Variants in CTNND2 observed in about 807,000 individuals in gnomAD.
CTNND2 encodes catenin delta 2.
A neutral mutation model predicts 144.4 loss-of-function variants in CTNND2; 22 were observed. The ratio of observed to expected loss-of-function variants is 0.15; its 90% CI spans 0.11 to 0.22. CTNND2 has a LOEUF of 0.22. CTNND2 is among the 10% of genes least tolerant of loss of function. CTNND2 has a pLI of 1.00. For missense variants in CTNND2, 1,353 were observed against 1,618.8 expected (o/e 0.84, Z 2.82); for synonymous variants, 751 against 695.6 (o/e 1.08, Z -1.25).
intron 3 of CTNND2, among the ~76,000 whole-genome samples, chr5:11,448,504 CTG>C (rs572197021): frequency 6.6e-6 from 1 of 151,438 alleles, no homozygotes; most frequent in African/African-American, 2.4e-5. Context: ...TATTGTCTGT[CTG>C]TGTGTGTGTG....
At chr5:11,382,559 C>T (rs1315887788) in intron 7 of CTNND2, among the ~76,000 whole-genome samples, 2 of 151,514 alleles carry the variant, frequency 1.3e-5, no homozygotes, top group East Asian at 3.9e-4. Flanking sequence ...GATCGCACCA[C>T]TGCACTCCAG....
intron 8 of CTNND2, among the ~76,000 whole-genome samples, chr5:11,353,275 T>C (rs943927723): frequency 6.6e-6 from 1 of 152,134 alleles, no homozygotes; most frequent in African/African-American, 2.4e-5. Flanking sequence ...AGAAGAGCAG[T>C]GACAGGACGG....
At chr5:11,104,820 G>C (rs978829356) in intron 14 of CTNND2, among the ~76,000 whole-genome samples, 2 of 152,164 alleles carry the variant, frequency 1.3e-5, no homozygotes, top group African/African-American at 4.8e-5. Flanking sequence ...CAAAAGACAG[G>C]AGGGACTTTG....
rs538677815 is a variant in CTNND2, at chr5:11,390,707, C to A, written c.613-5478G>T. Among the ~76,000 whole-genome samples, 17 of 152,322 alleles carry A rather than the reference C, an allele frequency of 1.1e-4. No individual in the cohort carries two copies. In the South Asian group the frequency reaches 1.5e-3, roughly 13 times the overall value. On this transcript the variant is annotated intron_variant, in intron 6 of 21. Coordinates refer to ENST00000304623, the MANE Select transcript of CTNND2 (RefSeq NM_001332.4). ...CCAGGATGCTGGGCAGCCGGGCCAACAGTGTCAGGAATGGAGAACTGGAGC... is the reference window on the plus strand; with the variant it reads ...CCAGGATGCTGGGCAGCCGGGCCAAAAGTGTCAGGAATGGAGAACTGGAGC...
chr5:11,536,666 G>A (rs1309586338), intron 3 of CTNND2, among the ~76,000 whole-genome samples: 2 of 151,986 alleles, frequency 1.3e-5, no homozygotes, highest in African/African-American at 4.8e-5. Flanking sequence ...GCAAGTTGGA[G>A]TTAAGCTATG....
intron 2 of CTNND2, among the ~76,000 whole-genome samples, chr5:11,716,675 GTTTATTTATTTA>G (rs112407519): frequency 6.6e-6 from 1 of 151,224 alleles, no homozygotes; most frequent in Non-Finnish European, 1.5e-5. Flanking sequence ...TTACTTATTT[GTTTATTTATTTA>G]TTTATTTATT....
chr5:11,333,436 G>T (rs1022624799), intron 9 of CTNND2, among the ~76,000 whole-genome samples: 2 of 151,856 alleles, frequency 1.3e-5, no homozygotes, highest in Non-Finnish European at 2.9e-5. Context: ...GCTAATTTTT[G>T]TATTATTCTG....
At chr5:11,072,688 C>T (rs535913765) in intron 16 of CTNND2, among the ~76,000 whole-genome samples, 1 of 152,312 alleles carries the variant, frequency 6.6e-6, no homozygotes, top group African/African-American at 2.4e-5. Context: ...GAGCTTTTTT[C>T]TTCTTCAGGC....
intron 2 of CTNND2, among the ~76,000 whole-genome samples, chr5:11,566,136 TC>T (rs1339719329): frequency 2.6e-5 from 4 of 152,164 alleles, no homozygotes; most frequent in African/African-American, 9.7e-5. Flanking sequence ...ATCTGGTGTG[TC>T]CCCTATATAC....
intron 1 of CTNND2, among the ~76,000 whole-genome samples, chr5:11,855,594 C>A (rs1795214498): frequency 6.6e-6 from 1 of 152,146 alleles, no homozygotes; most frequent in Non-Finnish European, 1.5e-5. Flanking sequence ...ATGAAATACA[C>A]ACAACTAAAA....
intron 8 of CTNND2, among the ~76,000 whole-genome samples, chr5:11,362,529 C>T (rs1217478283): frequency 6.6e-6 from 1 of 152,144 alleles, no homozygotes; most frequent in Non-Finnish European, 1.5e-5. Flanking sequence ...TCCTCCTCCA[C>T]TTGTGGTCCT....
intron 18 of CTNND2, among the ~76,000 whole-genome samples, chr5:11,000,541 C>T (rs867816948): frequency 5.9e-5 from 9 of 152,118 alleles, no homozygotes; most frequent in African/African-American, 1.4e-4. Flanking sequence ...AAAATGTGCA[C>T]GACATTCAGT....
At chr5:11,136,475 A>G (rs1032980239) in intron 12 of CTNND2, among the ~76,000 whole-genome samples, 6 of 151,742 alleles carry the variant, frequency 4.0e-5, no homozygotes, top group African/African-American at 1.5e-4. Flanking sequence ...AAATGGGGAA[A>G]AAGAACAATG....
At chr5:11,483,075 A>AT (rs1768440101) in intron 3 of CTNND2, among the ~76,000 whole-genome samples, 1 of 152,022 alleles carries the variant, frequency 6.6e-6, no homozygotes, top group Admixed American at 6.5e-5. Context: ...TATTGAGGTG[A>AT]TTTTGCTCCT....
rs141685319 is a variant in CTNND2, at chr5:11,354,140, G to T, written c.1373-7513C>A. 3.3e-3 allele frequency among the ~76,000 whole-genome samples: 503 copies of T among 152,252 alleles called. 1 individual carries two copies. Among genetic ancestry groups the T allele is most frequent in the African/African-American group, 0.011 (469 of 41,538 alleles). On this transcript the variant is annotated intron_variant, in intron 8 of 21. Transcript: ENST00000304623. ...ATGAGAAGAGATGCATTATTCATGT[G>T]GTTTCACACGAGGCTCAACAATGTG...
intron 2 of CTNND2, among the ~76,000 whole-genome samples, chr5:11,712,604 A>G (rs1234953325): frequency 6.6e-6 from 1 of 152,236 alleles, no homozygotes; most frequent in Admixed American, 6.5e-5. Context: ...TTCAAACTCT[A>G]AAGTTTCTTA....
intron 2 of CTNND2, among the ~76,000 whole-genome samples, chr5:11,569,806 T>A (rs997661760): frequency 2.0e-5 from 3 of 152,188 alleles, no homozygotes; most frequent in African/African-American, 7.2e-5. Context: ...GTTGAAATGC[T>A]ATCCCTCAAG....
chr5:11,241,378 G>C (rs114991704), intron 9 of CTNND2, among the ~76,000 whole-genome samples: 1 of 152,270 alleles, frequency 6.6e-6, no homozygotes, highest in East Asian at 1.9e-4. Flanking sequence ...AAAAAGCCCC[G>C]ATCATTAAGC....
chr5:11,038,429 G>C (rs1737287205), intron 16 of CTNND2, among the ~76,000 whole-genome samples: 1 of 152,228 alleles, frequency 6.6e-6, no homozygotes, highest in Admixed American at 6.5e-5. Context: ...CAGATGATCT[G>C]AGGTGGACAC....
Sources: gnomAD v4.1 joint callset for allele counts (sites outside exome capture counted in the v4.1 genomes callset) on GRCh38, gnomAD v4.1.1 for gene constraint, MANE v1.5 for transcripts, NCBI Gene and HGNC (gene_info 2026-07-23, HGNC 2026-07-21) for gene names.